The following CHRM2 variants were observed in gnomAD, a reference collection of about 807,000 sequenced individuals.
The protein encoded by CHRM2 is muscarinic acetylcholine receptor M2.
In CHRM2, 8 loss-of-function variants were observed where a neutral mutation model predicts 25.0. The ratio of observed to expected loss-of-function variants is 0.32; its 90% CI spans 0.19 to 0.58. CHRM2 has a LOEUF of 0.58. Ranked by LOEUF, CHRM2 falls within the 20% of genes least tolerant of loss-of-function variation. The pLI, the probability that CHRM2 is intolerant of heterozygous loss-of-function variation, is 0.88. For synonymous variants in CHRM2, 202 were observed against 205.7 expected, an observed-to-expected ratio of 0.98 and a Z score of 0.15; for missense variants, 440 against 567.1, an observed-to-expected ratio of 0.78 and a Z score of 2.28.
At chr7:136,909,083 T>C (rs1797706218) in intron 2 of CHRM2, among the ~76,000 whole-genome samples, 1 of 151,940 alleles carries the variant, frequency 6.6e-6, no homozygotes, top group African/African-American at 2.4e-5. Flanking sequence ...TGATAATATG[T>C]TTCATATGCT....
intron 2 of CHRM2, among the ~76,000 whole-genome samples, chr7:136,894,181 G>GT (rs1204259249): frequency 6.6e-6 from 1 of 152,028 alleles, no homozygotes; most frequent in Non-Finnish European, 1.5e-5. Context: ...AAACAGAAGC[G>GT]TCTGATCTCA....
intron 2 of CHRM2, among the ~76,000 whole-genome samples, chr7:136,908,876 C>G (rs532963931): frequency 6.6e-6 from 1 of 152,020 alleles, no homozygotes; most frequent in African/African-American, 2.4e-5. Flanking sequence ...AAAGCTAAAT[C>G]GACATCTCTA....
intron 3 of CHRM2, among the ~76,000 whole-genome samples, chr7:137,000,547 A>AAGGAAG (rs1554434051): frequency 1.4e-4 from 13 of 95,212 alleles, no homozygotes; most frequent in East Asian, 7.0e-4. Context: ...AAAGAAAGAA[A>AAGGAAG]GAAGGAAGGA....
At position 136,935,964 on chromosome 7, in the gene CHRM2, C is replaced by CT. The variant is rs200166088; in HGVS notation, c.-124-56221dup. 6.4e-4 allele frequency among the ~76,000 whole-genome samples: 98 copies of CT among 152,256 alleles called. 3 individuals are homozygous for CT. The East Asian group carries it at 0.019, about 29-fold the overall frequency. The stretch of plus-strand genomic sequence containing the variant: ...CTACAGTTCCTCCCATTGTCACTGC[C>CT]TTACCAATGATATAACCCTTCCTCT... On this transcript the variant is annotated intron_variant, in intron 2 of 3. Transcript: ENST00000680005.
chr7:137,000,415 G>A (rs1022228523), intron 3 of CHRM2, among the ~76,000 whole-genome samples: 26 of 150,910 alleles, frequency 1.7e-4, no homozygotes, highest in African/African-American at 5.1e-4. Context: ...GGCCAGGCTG[G>A]TCTCATACTC....
rs984113153 is a variant in CHRM2 at position 136,993,767 on chromosome 7, A to G, written c.-47+1503A>G. Reference sequence around the variant, plus strand: ...AAAGTTCTATGATCAAAGAAATCCAACCCCAAAGTGAAAAAGTAAAATGAG... The same window carrying G: ...AAAGTTCTATGATCAAAGAAATCCAGCCCCAAAGTGAAAAAGTAAAATGAG... On this transcript the variant is annotated intron_variant, in intron 3 of 3. Coordinates refer to ENST00000680005, the MANE Select transcript of CHRM2 (RefSeq NM_001006630.2). 3.3e-5 allele frequency among the ~76,000 whole-genome samples: 5 copies of G among 152,106 alleles called. No individual in the cohort carries two copies. The South Asian group carries it at 8.3e-4, about 25-fold the overall frequency.
chr7:136,930,001 G>A (rs1798965428), intron 2 of CHRM2, among the ~76,000 whole-genome samples: 1 of 151,996 alleles, frequency 6.6e-6, no homozygotes. Flanking sequence ...AGTATGAATG[G>A]ATTGAATGTT....
At chr7:136,870,889 T>C (rs186645432) in intron 2 of CHRM2, 2 of 152,310 alleles carry the variant, frequency 1.3e-5, no homozygotes, top group African/African-American at 2.4e-5. Flanking sequence ...CCACATCGAC[T>C]TTCTATTTCC....
intron 3 of CHRM2, among the ~76,000 whole-genome samples, chr7:136,993,697 T>C (rs1018905452): frequency 6.6e-6 from 1 of 152,130 alleles, no homozygotes; most frequent in Non-Finnish European, 1.5e-5. Context: ...CTTATCTCTT[T>C]AGTAAAGAAA....
intron 3 of CHRM2, among the ~76,000 whole-genome samples, chr7:137,009,443 C>T (rs1563123982): frequency 6.6e-6 from 1 of 151,876 alleles, no homozygotes; most frequent in Non-Finnish European, 1.5e-5. Flanking sequence ...TGTGCAGAAC[C>T]CTACTTACTG....
intron 3 of CHRM2, among the ~76,000 whole-genome samples, chr7:136,996,958 T>G (rs1803645348): frequency 6.6e-6 from 1 of 152,150 alleles, no homozygotes; most frequent in South Asian, 2.1e-4. Context: ...TTTTCAGTGT[T>G]TCTTTATAAT....
intron 2 of CHRM2, among the ~76,000 whole-genome samples, chr7:136,985,425 G>A (rs952048260): frequency 5.5e-5 from 8 of 144,330 alleles, no homozygotes; most frequent in South Asian, 4.3e-4. Context: ...TAGGAGAATC[G>A]CTTGAACCCG....
intron 3 of CHRM2, among the ~76,000 whole-genome samples, chr7:136,998,746 T>C (rs1803776878): frequency 6.6e-6 from 1 of 152,196 alleles, no homozygotes; most frequent in Non-Finnish European, 1.5e-5. Context: ...GTGGACAATG[T>C]GTCTACTGTC....
chr7:136,968,525 G>C (rs1801556909), intron 2 of CHRM2, among the ~76,000 whole-genome samples: 1 of 151,422 alleles, frequency 6.6e-6, no homozygotes, highest in South Asian at 2.1e-4. Context: ...CCCACTTCTG[G>C]GTGTATATCC....
intron 2 of CHRM2, among the ~76,000 whole-genome samples, chr7:136,900,236 G>C (rs1797122129): frequency 6.6e-6 from 1 of 152,036 alleles, no homozygotes; most frequent in African/African-American, 2.4e-5. Flanking sequence ...GCCCAATGTG[G>C]ACACTGAAGA....
chr7:136,903,258 A>G (rs763699071), intron 2 of CHRM2: 2 of 534,188 alleles, frequency 3.7e-6, no homozygotes, highest in African/African-American at 3.8e-5. Context: ...GGAGGACTCC[A>G]TGCTGTTGAG....
intron 2 of CHRM2, among the ~76,000 whole-genome samples, chr7:136,915,143 T>C (rs1344209653): frequency 6.6e-6 from 1 of 151,906 alleles, no homozygotes; most frequent in African/African-American, 2.4e-5. Context: ...TACTTCAGGA[T>C]TAAAGGGATA....
rs535638988 is a variant in CHRM2, at chr7:136,876,367, G to A, written c.-125+6949G>A. Among the ~76,000 whole-genome samples the A allele has an allele frequency of 5.9e-5, 9 of 152,136 alleles. No individual in the cohort carries two copies. The East Asian group carries it at 1.2e-3, about 20-fold the overall frequency. ...ATAGAGGCCATATTTTATAAATGAT[G>A]GCAATATACACTTACATTTGTATTT... On this transcript the variant is annotated intron_variant, in intron 2 of 3. Coordinates refer to ENST00000680005, the MANE Select transcript of CHRM2 (RefSeq NM_001006630.2).
chr7:136,908,177 G>A (rs966888201), intron 2 of CHRM2, among the ~76,000 whole-genome samples: 1 of 151,830 alleles, frequency 6.6e-6, no homozygotes, highest in Admixed American at 6.6e-5. Context: ...AACCTCAAAA[G>A]AGCTGTATGA....
Sources: gnomAD v4.1 joint callset for allele counts (sites outside exome capture counted in the v4.1 genomes callset) on GRCh38, gnomAD v4.1.1 for gene constraint, MANE v1.5 for transcripts, NCBI Gene and HGNC (gene_info 2026-07-23, HGNC 2026-07-21) for gene names.